Variants in DIP2B observed in about 807,000 individuals in gnomAD.
The protein encoded by DIP2B is DIP2 acetate--CoA ligase B (putative).
In DIP2B, 76 loss-of-function variants were observed where a neutral mutation model predicts 198.0. That is an observed-to-expected ratio of 0.38 (90% confidence interval 0.32 to 0.46). DIP2B has a LOEUF of 0.46. Ranked by LOEUF, DIP2B falls within the 20% of genes least tolerant of loss-of-function variation. DIP2B has a pLI of 0.99. For synonymous variants in DIP2B, 701 were observed against 739.1 expected, an observed-to-expected ratio of 0.95 and a Z score of 0.84; for missense variants, 1,559 against 1,978.4, an observed-to-expected ratio of 0.79 and a Z score of 4.02.
At chr12:50,514,598 GTCTC>G (rs1214135997) in intron 1 of DIP2B, among the ~76,000 whole-genome samples, 1 of 152,078 alleles carries the variant, frequency 6.6e-6, no homozygotes, top group Non-Finnish European at 1.5e-5. Context: ...TTCATTTACA[GTCTC>G]TCTTTGTTTC....
At position 50,511,291 on chromosome 12, in the gene DIP2B, AT is replaced by A. The variant is rs71083581; in HGVS notation, c.100+6072del. Among the ~76,000 whole-genome samples, 47 of 64,666 alleles carry A rather than the reference AT, an allele frequency of 7.3e-4. 1 individual carries two copies. Among genetic ancestry groups the A allele is most frequent in the African/African-American group, 1.5e-3 (24 of 16,540 alleles). 42.4% of individuals were successfully genotyped at this position (64,666 alleles called of 152,430 possible). On this transcript the variant is annotated intron_variant, in intron 1 of 37. Transcript: ENST00000301180. ...CCTATCCCTGACCAGTGTGATTTCT[AT>A]TTTTTTTTTTTTTTTTTTTTGAGAC...
At chr12:50,652,454 T>G (rs990488683) in intron 3 of DIP2B, among the ~76,000 whole-genome samples, 19 of 151,890 alleles carry the variant, frequency 1.3e-4, no homozygotes, top group African/African-American at 4.6e-4. Flanking sequence ...GGAGGATCAC[T>G]TGAACCAGGA....
chr12:50,645,135 A>G (rs995729363), intron 3 of DIP2B, among the ~76,000 whole-genome samples: 2 of 152,352 alleles, frequency 1.3e-5, no homozygotes, highest in East Asian at 1.9e-4. Context: ...TTGTATAATC[A>G]GTATAAATGC....
intron 1 of DIP2B, among the ~76,000 whole-genome samples, chr12:50,538,713 C>T (rs1192489392): frequency 6.6e-6 from 1 of 152,098 alleles, no homozygotes; most frequent in Admixed American, 6.6e-5. Context: ...AGTCTTCACT[C>T]TGTATGTACA....
At chr12:50,693,086 G>A in intron 14 of DIP2B, 73 bp downstream of exon 14, 1 of 1,384,364 alleles carries the variant, frequency 7.2e-7, no homozygotes, top group South Asian at 1.3e-5. Flanking sequence ...TATAACTGGA[G>A]CATCTCTCAG....
intron 1 of DIP2B, among the ~76,000 whole-genome samples, chr12:50,563,375 C>G (rs768612876): frequency 2.0e-5 from 3 of 151,392 alleles, no homozygotes; most frequent in Middle Eastern, 6.9e-3. Flanking sequence ...TTTGTAGAGG[C>G]TGGATTTTGC....
intron 1 of DIP2B, among the ~76,000 whole-genome samples, chr12:50,609,482 C>A (rs1369749851): frequency 6.6e-6 from 1 of 152,362 alleles, no homozygotes; most frequent in Non-Finnish European, 1.5e-5. Flanking sequence ...CTACCCTGTT[C>A]CTTCATCATC....
chr12:50,516,074 A>G (rs916678013), intron 1 of DIP2B, among the ~76,000 whole-genome samples: 1 of 152,168 alleles, frequency 6.6e-6, no homozygotes, highest in African/African-American at 2.4e-5. Flanking sequence ...CCTGCTGTCT[A>G]CTTCAAAGAT....
rs577310848 is a variant in DIP2B at position 50,581,567 on chromosome 12, A to G, written c.101-44409A>G. ...CTAGTAGAATAAAATACTATTTACCATATACCCTAGGAGGGGCCTTACTCA... is the reference window on the plus strand; with the variant it reads ...CTAGTAGAATAAAATACTATTTACCGTATACCCTAGGAGGGGCCTTACTCA... On this transcript the variant is annotated intron_variant, in intron 1 of 37. Coordinates refer to ENST00000301180, the MANE Select transcript of DIP2B (RefSeq NM_173602.3). 9.8e-4 allele frequency among the ~76,000 whole-genome samples: 147 copies of G among 149,280 alleles called. 10 individuals carry two copies. The highest frequency in any genetic ancestry group is 3.5e-3 in the African/African-American group (143 of 40,900).
At chr12:50,714,679 A>G (rs914280209) in intron 23 of DIP2B, 83 bp downstream of exon 23, 10 of 1,535,684 alleles carry the variant, frequency 6.5e-6, no homozygotes, top group Non-Finnish European at 8.9e-6. Flanking sequence ...TTTCTCTACA[A>G]TTAGTTTACA....
At position 50,581,111 on chromosome 12, in the gene DIP2B, T is replaced by TA. The variant is rs1223212506; in HGVS notation, c.101-44864dup. Among the ~76,000 whole-genome samples the TA allele has an allele frequency of 1.3e-5, 2 of 149,418 alleles. 1 individual carries two copies. The highest frequency in any genetic ancestry group is 2.9e-5 in the Non-Finnish European group (2 of 67,896). On this transcript the variant is annotated intron_variant, in intron 1 of 37. Transcript: ENST00000301180. Reference sequence around the variant, plus strand: ...TCGCTCACTCTTTGGAATTCTGACTTACATTTGTGCTATAGGTCATGCCAC... The same window carrying TA: ...TCGCTCACTCTTTGGAATTCTGACTTAACATTTGTGCTATAGGTCATGCCAC...
chr12:50,586,318 T>C (rs918105988), intron 1 of DIP2B, among the ~76,000 whole-genome samples: 2 of 152,152 alleles, frequency 1.3e-5, no homozygotes, highest in African/African-American at 4.8e-5. Context: ...GCCTGGGTTA[T>C]TTGGAGGATG....
chr12:50,728,731 C>T, intron 30 of DIP2B, 53 bp downstream of exon 30: 1 of 1,583,640 alleles, frequency 6.3e-7, no homozygotes, highest in Non-Finnish European at 8.6e-7. Context: ...ACTTTGTGGC[C>T]ATGGCCATCT....
intron 1 of DIP2B, among the ~76,000 whole-genome samples, chr12:50,541,589 T>C (rs1420142378): frequency 6.6e-6 from 1 of 152,142 alleles, no homozygotes; most frequent in Admixed American, 6.6e-5. Context: ...TGGGGATATA[T>C]ATGATTGCCA....
intron 8 of DIP2B, chr12:50,680,276 A>AAC (rs1555192342): frequency 6.5e-6 from 1 of 153,530 alleles, no homozygotes; most frequent in Non-Finnish European, 1.4e-5. Context: ...AAAAAAAAAA[A>AAC]AAAAAACTTA....
intron 3 of DIP2B, among the ~76,000 whole-genome samples, chr12:50,652,572 CT>C (rs1167133757): frequency 6.6e-6 from 1 of 151,854 alleles, no homozygotes; most frequent in East Asian, 1.9e-4. Flanking sequence ...CTTTGTGCTT[CT>C]TTTTAAATAT....
chr12:50,511,948 A>AT (rs1958021229), intron 1 of DIP2B, among the ~76,000 whole-genome samples: 1 of 143,286 alleles, frequency 7.0e-6, no homozygotes. Context: ...CTCCGTCTCA[A>AT]AAAAAAAAAA....
intron 1 of DIP2B, among the ~76,000 whole-genome samples, chr12:50,593,403 G>C (rs934060926): frequency 6.6e-6 from 1 of 152,032 alleles, no homozygotes; most frequent in Non-Finnish European, 1.5e-5. Flanking sequence ...TTCTTGGGAA[G>C]CTGAGGCAGG....
At chr12:50,678,504 A>C (rs2139531967) in intron 7 of DIP2B, among the ~76,000 whole-genome samples, 175 bp from the exon 8 acceptor site, 1 of 152,356 alleles carries the variant, frequency 6.6e-6, no homozygotes, top group East Asian at 1.9e-4. Context: ...ATTTAAGTGG[A>C]AAATTGAATT....
Sources: gnomAD v4.1 joint callset for allele counts (sites outside exome capture counted in the v4.1 genomes callset) on GRCh38, gnomAD v4.1.1 for gene constraint, MANE v1.5 for transcripts, NCBI Gene and HGNC (gene_info 2026-07-23, HGNC 2026-07-21) for gene names.